Variants in PHF14 observed in about 807,000 individuals in gnomAD.
The protein encoded by PHF14 is PHD finger protein 14.
PHF14 carries 55 observed loss-of-function variants against 117.9 expected under a neutral mutation model. That is an observed-to-expected ratio of 0.47 (90% CI 0.38 to 0.58). The LOEUF (loss-of-function observed/expected upper bound fraction) is 0.58, where lower values mean the gene tolerates loss of function less well. Ranked by LOEUF, PHF14 falls within the 20% of genes least tolerant of loss-of-function variation. The probability of loss-of-function intolerance (pLI) is 0.00; values close to 1 mark genes in which losing one functional copy is unlikely to be tolerated. For synonymous variants in PHF14, 409 were observed against 368.6 expected (o/e 1.11, Z -1.26); for missense variants, 978 against 1,122.2 (o/e 0.87, Z 1.84).
At chr7:11,159,136 T>C (rs1788942026) in intron 17 of PHF14, among the ~76,000 whole-genome samples, 1 of 152,122 alleles carries the variant, frequency 6.6e-6, no homozygotes, top group Admixed American at 6.6e-5. Flanking sequence ...ATCAAGTTCT[T>C]ATGTAGGTAA....
intron 16 of PHF14, chr7:11,109,560 T>A (rs1202409566): frequency 6.6e-6 from 1 of 151,894 alleles, no homozygotes; most frequent in Non-Finnish European, 1.5e-5. Context: ...GAAATACTTA[T>A]ACTTTGAAGG....
chr7:10,986,426 G>C (rs558878706), intron 3 of PHF14, among the ~76,000 whole-genome samples: 8 of 152,232 alleles, frequency 5.3e-5, no homozygotes, highest in African/African-American at 1.7e-4. Flanking sequence ...AAAACTTCAT[G>C]GTACTCCCAT....
At chr7:11,137,593 T>C (rs1052110728) in intron 17 of PHF14, among the ~76,000 whole-genome samples, 3 of 64,326 alleles carry the variant, frequency 4.7e-5, no homozygotes, top group African/African-American at 1.7e-4. Context: ...AAAAATTCTT[T>C]TTTTTTTTTT....
chr7:11,128,774 C>T (rs1379859480), intron 17 of PHF14, among the ~76,000 whole-genome samples: 1 of 150,296 alleles, frequency 6.7e-6, no homozygotes, highest in Non-Finnish European at 1.5e-5. Flanking sequence ...CTCTCTTTTT[C>T]TCTTCCCCTC....
At chr7:11,004,166 GAGCCAGGGAGTTCAAGGCTGCAGTGAA>G (rs1422010088) in intron 4 of PHF14, among the ~76,000 whole-genome samples, 1 of 147,716 alleles carries the variant, frequency 6.8e-6, no homozygotes, top group African/African-American at 2.5e-5. Flanking sequence ...AGGATCGCTT[GAGCCAGGGAGTTCAAGGCTGCAGTGAA>G]CCAAGATTGC....
chr7:11,000,179 T>C (rs1201397271), intron 4 of PHF14, among the ~76,000 whole-genome samples: 4 of 152,152 alleles, frequency 2.6e-5, no homozygotes, highest in African/African-American at 9.6e-5. Flanking sequence ...ACGTTTTGAC[T>C]TAAAAAATTA....
chr7:11,155,891 T>A (rs1583509026), intron 17 of PHF14, among the ~76,000 whole-genome samples: 1 of 152,158 alleles, frequency 6.6e-6, no homozygotes. Context: ...AAGTAAGATA[T>A]TTTAAAATTT....
In PHF14 at chr7:11,018,604, A is replaced by C. The variant is rs1047795333; in HGVS notation, c.1206-4264A>C. Reference sequence around the variant, plus strand: ...TTTGTATGTTGCTTTTGTCTTTTGCAACTTTACTGAATTTATCGGTTCTAA... The same window carrying C: ...TTTGTATGTTGCTTTTGTCTTTTGCCACTTTACTGAATTTATCGGTTCTAA... On this transcript the variant is annotated intron_variant, in intron 5 of 17. Transcript: ENST00000634607. Among the ~76,000 whole-genome samples, 7 of 152,136 alleles carry C rather than the reference A, an allele frequency of 4.6e-5. No homozygotes were observed. The East Asian group carries it at 1.2e-3, about 25-fold the overall frequency.
intron 4 of PHF14, among the ~76,000 whole-genome samples, chr7:11,003,348 A>G (rs1324517373): frequency 6.6e-6 from 1 of 152,196 alleles, no homozygotes; most frequent in Non-Finnish European, 1.5e-5. Context: ...GGGCTTTCAT[A>G]TATGCTTTTC....
chr7:11,099,671 C>T (rs1260157992), intron 16 of PHF14, among the ~76,000 whole-genome samples: 1 of 152,054 alleles, frequency 6.6e-6, no homozygotes, highest in African/African-American at 2.4e-5. Context: ...TACCACAGTT[C>T]TGCTGTTGAC....
intron 16 of PHF14, among the ~76,000 whole-genome samples, chr7:11,072,921 C>T (rs1785673811): frequency 6.6e-6 from 1 of 152,128 alleles, no homozygotes; most frequent in Admixed American, 6.5e-5. Flanking sequence ...TTCATGTGAA[C>T]TAACAGCAAG....
At chr7:11,161,979 A>G (rs950086457) in intron 17 of PHF14, among the ~76,000 whole-genome samples, 3 of 150,864 alleles carry the variant, frequency 2.0e-5, no homozygotes, top group East Asian at 1.9e-4. Context: ...AGGGTTATCA[A>G]ACATACTCAC....
At chr7:11,099,882 C>G (rs1787023074) in intron 16 of PHF14, among the ~76,000 whole-genome samples, 1 of 152,106 alleles carries the variant, frequency 6.6e-6, no homozygotes, top group Admixed American at 6.6e-5. Flanking sequence ...AGCATCACTA[C>G]TAAGCAGCAG....
At chr7:11,100,511 G>A (rs1416813020) in intron 16 of PHF14, among the ~76,000 whole-genome samples, 1 of 151,840 alleles carries the variant, frequency 6.6e-6, no homozygotes, top group East Asian at 1.9e-4. Context: ...ATGATATTAT[G>A]TAAATTAAGT....
chr7:11,148,064 T>C (rs1788598375), intron 17 of PHF14, among the ~76,000 whole-genome samples: 1 of 152,192 alleles, frequency 6.6e-6, no homozygotes, highest in African/African-American at 2.4e-5. Flanking sequence ...TTCCAAAGCA[T>C]ATCATACTTC....
At chr7:11,118,088 C>T (rs1363128864) in intron 17 of PHF14, among the ~76,000 whole-genome samples, 1 of 151,736 alleles carries the variant, frequency 6.6e-6, no homozygotes, top group Non-Finnish European at 1.5e-5. Context: ...TGGAGCTTTA[C>T]TGAGTTTTGG....
chr7:10,978,197 T>C (rs1301314541), intron 2 of PHF14, among the ~76,000 whole-genome samples: 1 of 152,222 alleles, frequency 6.6e-6, no homozygotes, highest in Admixed American at 6.5e-5. Flanking sequence ...TGTTCATTGA[T>C]TGTCCGTAGT....
intron 17 of PHF14, among the ~76,000 whole-genome samples, chr7:11,162,174 C>T (rs1216609041): frequency 7.0e-6 from 1 of 143,736 alleles, no homozygotes; most frequent in Non-Finnish European, 1.5e-5. Flanking sequence ...CTGCAACCTC[C>T]ACCTCCCAGG....
At chr7:11,045,408 G>T (rs969844235) in intron 13 of PHF14, among the ~76,000 whole-genome samples, 1 of 152,054 alleles carries the variant, frequency 6.6e-6, no homozygotes, top group Non-Finnish European at 1.5e-5. Context: ...TTTCTGAATG[G>T]CCGGTTTATT....
Sources: allele counts gnomAD v4.1 joint callset (sites outside exome capture counted in the v4.1 genomes callset), GRCh38; gene constraint gnomAD v4.1.1; transcripts MANE v1.5; gene names NCBI Gene and HGNC (gene_info 2026-07-23, HGNC 2026-07-21).